TMPRSS15: variants seen among roughly 807,000 people sequenced by gnomAD.
The protein encoded by TMPRSS15 is enteropeptidase.
In TMPRSS15, 128 loss-of-function variants were observed where a neutral mutation model predicts 125.3. That is an observed-to-expected ratio of 1.02 (90% CI 0.89 to 1.18). TMPRSS15 has a LOEUF of 1.18. Ranked by LOEUF, TMPRSS15 falls within the 50% of genes most tolerant of loss-of-function variation. The probability of loss-of-function intolerance (pLI) is 0.00; values close to 1 mark genes in which losing one functional copy is unlikely to be tolerated. For missense variants in TMPRSS15, 1,283 were observed against 1,212.7 expected (o/e 1.06, Z -0.86); for synonymous variants, 446 against 423.2 (o/e 1.05, Z -0.66).
intron 1 of TMPRSS15, among the ~76,000 whole-genome samples, chr21:18,447,513 T>C (rs1569070866): frequency 6.7e-6 from 1 of 149,670 alleles, no homozygotes; most frequent in Non-Finnish European, 1.5e-5. Flanking sequence ...CTAAATGATA[T>C]GGTTTGGCTG....
intron 6 of TMPRSS15, 48 bp downstream of exon 6, chr21:18,372,145 G>A: frequency 8.4e-7 from 1 of 1,187,702 alleles, no homozygotes; most frequent in Non-Finnish European, 1.2e-6. Flanking sequence ...TGTGTCTACA[G>A]TGAGGGAGGA....
At chr21:18,425,441 T>C (rs1038632068) in intron 1 of TMPRSS15, among the ~76,000 whole-genome samples, 3 of 152,096 alleles carry the variant, frequency 2.0e-5, no homozygotes, top group African/African-American at 7.2e-5. Context: ...ACCCAGGAGA[T>C]TAGTGAAAAG....
intron 15 of TMPRSS15, among the ~76,000 whole-genome samples, chr21:18,328,158 G>A (rs549122791): frequency 8.5e-5 from 13 of 152,048 alleles, no homozygotes; most frequent in African/African-American, 3.1e-4. Flanking sequence ...ATTATCTATA[G>A]AATACACAAA....
chr21:18,314,128 T>C (rs1025945740), intron 17 of TMPRSS15, among the ~76,000 whole-genome samples: 2 of 152,172 alleles, frequency 1.3e-5, no homozygotes, highest in African/African-American at 2.4e-5. Flanking sequence ...TTTACCTTTT[T>C]TTTCCTATTA....
chr21:18,447,804 G>A (rs939139895), intron 1 of TMPRSS15, among the ~76,000 whole-genome samples: 9 of 152,044 alleles, frequency 5.9e-5, no homozygotes, highest in African/African-American at 1.9e-4. Context: ...GTGTGAGTTC[G>A]TTAAGCCTCT....
rs190583939 is a variant in TMPRSS15 at position 18,482,117 on chromosome 21, A to G, written c.10+3682T>C. ...CTTCACTTCTAATTTTTCTAAATAT[A>G]CTTATTGTATTGCTTCATTTTTTTC... On this transcript the variant is annotated intron_variant, in intron 1 of 7. Transcript: ENST00000422787. Among the ~76,000 whole-genome samples the G allele has an allele frequency of 1.9e-3, 285 of 151,498 alleles. 2 individuals are homozygous for G. The highest frequency in any genetic ancestry group is 6.2e-3 in the African/African-American group (258 of 41,456).
At chr21:18,283,677 C>A (rs1488432638) in intron 21 of TMPRSS15, among the ~76,000 whole-genome samples, 1 of 151,948 alleles carries the variant, frequency 6.6e-6, no homozygotes, top group Non-Finnish European at 1.5e-5. Flanking sequence ...GGATTGTCTC[C>A]TCAGGTGTTT....
chr21:18,343,594 A>G lies in TMPRSS15; in HGVS notation c.1340T>C (p.Met447Thr), dbSNP rs78070123. The G allele has an allele frequency of 4.7e-4, 759 of 1,613,248 alleles. 2 individuals carry two copies. The African/African-American group carries it at 8.5e-3, about 18-fold the overall frequency. The stretch of plus-strand genomic sequence containing the variant: ...TTCCTTTTGGAAAACTGTCTTCTCC[A>G]TATTTTGGTCATTGCTGATATTAAT... Reference protein sequence around the residue: ...LSINISNDQNMEKTVFQKEGN... With the variant: ...LSINISNDQNTEKTVFQKEGN... Residue 447 changes from methionine to threonine, a missense_variant, in exon 12 of 25, where the codon ATG (methionine) becomes ACG (threonine). By Grantham distance (81) the Met-to-Thr change is moderately conservative (BLOSUM62 -1). Coordinates refer to ENST00000284885, the MANE Select transcript of TMPRSS15 (RefSeq NM_002772.3).
At chr21:18,371,121 C>T (rs1039464207) in intron 6 of TMPRSS15, among the ~76,000 whole-genome samples, 1 of 152,118 alleles carries the variant, frequency 6.6e-6, no homozygotes, top group Non-Finnish European at 1.5e-5. Flanking sequence ...GATGCCTGAA[C>T]CATGGATAGT....
At chr21:18,305,250 G>A (rs1430213481) in intron 18 of TMPRSS15, among the ~76,000 whole-genome samples, 1 of 139,486 alleles carries the variant, frequency 7.2e-6, no homozygotes, top group East Asian at 2.1e-4. Context: ...GTGCAGTGGC[G>A]CGATCTCGGC....
intron 1 of TMPRSS15, among the ~76,000 whole-genome samples, chr21:18,413,235 TC>T (rs1482555633): frequency 1.3e-5 from 1 of 74,976 alleles, no homozygotes; most frequent in East Asian, 1.1e-3. Flanking sequence ...TCCTTCCTTT[TC>T]TCTCTCTTTC....
chr21:18,439,181 A>G (rs2076235751), intron 1 of TMPRSS15, among the ~76,000 whole-genome samples: 1 of 152,180 alleles, frequency 6.6e-6, no homozygotes, highest in South Asian at 2.1e-4. Flanking sequence ...ACCCATGGAA[A>G]ATGATCTTTT....
intron 3 of TMPRSS15, among the ~76,000 whole-genome samples, chr21:18,390,374 A>G (rs1255881789): frequency 3.3e-5 from 5 of 152,220 alleles, no homozygotes; most frequent in African/African-American, 1.2e-4. Context: ...TATTAATAGG[A>G]TGAAGATTAA....
At position 18,383,695 on chromosome 21, in the gene TMPRSS15, C is replaced by A. The variant is rs182431978; in HGVS notation, c.428G>T (p.Gly143Val). The A allele has an allele frequency of 8.5e-5, 137 of 1,613,964 alleles. No homozygotes were observed. The East Asian group carries it at 2.5e-3, about 29-fold the overall frequency. ...DENVKEELIQ[G>V]LEANKSSQLV... ...TTGGCTGGATTTATTTGCTTCAAGG[C>A]CTTGAATCAGTTCTTCTTTTACATT... The change falls in exon 4 of 25, where the codon GGC becomes GTC. Residue 143 changes from glycine to valine, a missense_variant. By Grantham distance (109) the Gly-to-Val change is moderately radical. Coordinates refer to ENST00000284885, the MANE Select transcript of TMPRSS15 (RefSeq NM_002772.3).
chr21:18,317,847 C>CCTATT, intron 16 of TMPRSS15, among the ~76,000 whole-genome samples: 1 of 50,062 alleles, frequency 2.0e-5, no homozygotes, highest in Admixed American at 2.3e-4. Flanking sequence ...TCCATCCCAT[C>CCTATT]CCATCCCATC....
chr21:18,428,205 T>A (rs2076207760), intron 1 of TMPRSS15, among the ~76,000 whole-genome samples: 1 of 152,228 alleles, frequency 6.6e-6, no homozygotes, highest in African/African-American at 2.4e-5. Flanking sequence ...CTATGCATAA[T>A]TTTAAATTCA....
At position 18,278,979 on chromosome 21, in the gene TMPRSS15, TC is replaced by T; in HGVS notation, c.2748del (p.Thr917ArgfsTer38). 1 of 1,374,672 alleles carries T rather than the reference TC, an allele frequency of 7.3e-7. No individual in the cohort carries two copies. The highest frequency in any genetic ancestry group is 1.0e-6 in the Non-Finnish European group (1 of 986,052). The allele number at this position is 1,374,672 out of a possible 1,614,324, so 85.2% of individuals were successfully genotyped here. ...GATAATTTACCTTGATATACAACCG[TC>T]CCCCAACCAGCAATAGAACAATTTC... ...PGRNCSIAGW[G>X]TVVYQGTTAN... is the part of the protein sequence containing the mutation. On this transcript the variant is annotated frameshift_variant, in exon 23 of 25. Coordinates refer to ENST00000284885, the MANE Select transcript of TMPRSS15 (RefSeq NM_002772.3). LOFTEE classifies it high-confidence loss of function.
At chr21:18,343,841 G>A in intron 11 of TMPRSS15, 114 bp downstream of exon 11, 1 of 1,184,686 alleles carries the variant, frequency 8.4e-7, no homozygotes, top group South Asian at 1.2e-5. Context: ...AAAAGTAATA[G>A]TATATGCATT....
In TMPRSS15 at chr21:18,353,297, G is replaced by C. The variant is rs2075589891; in HGVS notation, c.1022-245C>G. On this transcript the variant is annotated intron_variant, in intron 9 of 24. Coordinates refer to ENST00000284885, the MANE Select transcript of TMPRSS15 (RefSeq NM_002772.3). ...TCTGTCAGGGTATTAGCAAATATAA[G>C]TTTCTCATTTTTTAAGTTTTACATC... Among the ~76,000 whole-genome samples the C allele has an allele frequency of 2.0e-5, 3 of 151,680 alleles. No individual in the cohort carries two copies. In the East Asian group the frequency reaches 5.8e-4, roughly 29 times the overall value.
Sources: gnomAD v4.1 joint callset for allele counts (sites outside exome capture counted in the v4.1 genomes callset) on GRCh38, gnomAD v4.1.1 for gene constraint, MANE v1.5 for transcripts, NCBI Gene and HGNC (gene_info 2026-07-23, HGNC 2026-07-21) for gene names.